Variants in UNC79 observed in about 807,000 individuals in gnomAD.
The protein encoded by UNC79 is protein unc-79 homolog.
Under a neutral mutation model 283.1 loss-of-function variants are expected in UNC79, and 37 were observed. The observed-to-expected ratio is 0.13, with a 90% confidence interval of 0.10 to 0.17. The LOEUF is 0.17. UNC79 is among the 10% of genes least tolerant of loss of function. The pLI, the probability that UNC79 is intolerant of heterozygous loss-of-function variation, is 1.00. For missense variants in UNC79, 2,272 were observed against 3,211.1 expected (o/e 0.71, Z 7.07); for synonymous variants, 1,107 against 1,200.2 (o/e 0.92, Z 1.61).
At chr14:93,437,674 C>A (rs1337015315) in intron 1 of UNC79, among the ~76,000 whole-genome samples, 1 of 152,158 alleles carries the variant, frequency 6.6e-6, no homozygotes, top group African/African-American at 2.4e-5. Context: ...GCTCTCTCTG[C>A]AGGCTCTAGG....
intron 2 of UNC79, 119 bp downstream of exon 2, chr14:93,467,910 G>A: frequency 8.2e-7 from 1 of 1,219,084 alleles, no homozygotes; most frequent in Non-Finnish European, 1.1e-6. Flanking sequence ...CTAGTGCTCT[G>A]TCAGAAGAGT....
chr14:93,565,035 A>G (rs2062793834), intron 14 of UNC79, among the ~76,000 whole-genome samples: 1 of 151,990 alleles, frequency 6.6e-6, no homozygotes, highest in Middle Eastern at 3.2e-3. Flanking sequence ...ATGGGCTAAG[A>G]GACCAGAAGT....
At chr14:93,682,754 A>C (rs2073944244) in intron 42 of UNC79, 60 bp downstream of exon 45, 2 of 1,543,060 alleles carry the variant, frequency 1.3e-6, no homozygotes. Context: ...GTAGTTAAGA[A>C]TGTAGGCTTT....
Position 93,659,267 on chromosome 14 carries a change from T to C in UNC79, c.6525+6T>C. On this transcript the variant is annotated splice_donor_region_variant and intron_variant, in intron 39 of 48. Transcript: ENST00000555664. ...CTTCTACCAATGCTACAAGGGTATG[T>C]ATGTTTCAGAAAAACATAACCAATT... 6.2e-7 allele frequency: 1 copy of C among 1,602,026 alleles called. No homozygotes were observed. The highest frequency in any genetic ancestry group is 8.5e-7 in the Non-Finnish European group (1 of 1,175,444).
intron 27 of UNC79, among the ~76,000 whole-genome samples, chr14:93,614,992 A>G (rs892733150): frequency 2.6e-5 from 4 of 151,882 alleles, no homozygotes; most frequent in African/African-American, 9.7e-5. Flanking sequence ...TACAAATCTC[A>G]CTCTCCAGAA....
chr14:93,542,096 G>T (rs967086385), intron 13 of UNC79, among the ~76,000 whole-genome samples: 1 of 151,070 alleles, frequency 6.6e-6, no homozygotes, highest in Admixed American at 6.6e-5. Context: ...ACAATTCTTA[G>T]CAAAATATGA....
At chr14:93,529,083 G>A (rs2060678002) in intron 9 of UNC79, among the ~76,000 whole-genome samples, 1 of 152,216 alleles carries the variant, frequency 6.6e-6, no homozygotes, top group South Asian at 2.1e-4. Flanking sequence ...ATCATTTAAA[G>A]ATAACTGAAT....
intron 7 of UNC79, among the ~76,000 whole-genome samples, chr14:93,504,536 A>G (rs989385374): frequency 3.8e-4 from 57 of 151,984 alleles, no homozygotes; most frequent in African/African-American, 1.3e-3. Context: ...CTAGTTTTCT[A>G]CTAGATGTAG....
chr14:93,502,391 T>TG (rs2059339121), intron 7 of UNC79, among the ~76,000 whole-genome samples: 2 of 151,984 alleles, frequency 1.3e-5, no homozygotes, highest in African/African-American at 4.8e-5. Flanking sequence ...CCAGCCTGGG[T>TG]GACTGAGCAA....
chr14:93,333,246 C>CGTCGGGTCGCTGGGA, exon 1 of UNC79: 1 of 402,208 alleles, frequency 2.5e-6, no homozygotes. Flanking sequence ...GGGAGCCGGG[C>CGTCGGGTCGCTGGGA]GTCGGGTCGC....
intron 26 of UNC79, among the ~76,000 whole-genome samples, chr14:93,606,000 C>G (rs1187295471): frequency 1.3e-5 from 2 of 152,188 alleles, no homozygotes; most frequent in East Asian, 3.8e-4. Context: ...ATAAGAACTT[C>G]TGATTCAAAG....
At chr14:93,397,955 A>C (rs2055031954) in intron 1 of UNC79, among the ~76,000 whole-genome samples, 1 of 152,156 alleles carries the variant, frequency 6.6e-6, no homozygotes, top group Admixed American at 6.5e-5. Context: ...TTGTTGAGTG[A>C]ATAAATGATG....
chr14:93,630,438 A>G (rs187865296), intron 30 of UNC79, among the ~76,000 whole-genome samples: 1 of 152,368 alleles, frequency 6.6e-6, no homozygotes, highest in Non-Finnish European at 1.5e-5. Flanking sequence ...TGGAGTACCT[A>G]GACAGGAGAT....
intron 1 of UNC79, among the ~76,000 whole-genome samples, chr14:93,355,171 A>C (rs989168635): frequency 6.6e-6 from 1 of 151,942 alleles, no homozygotes; most frequent in African/African-American, 2.4e-5. Flanking sequence ...CTGGGATTAC[A>C]GGCGCCTGCC....
chr14:93,525,560 T>G (rs1052702561), intron 8 of UNC79, among the ~76,000 whole-genome samples: 3 of 152,152 alleles, frequency 2.0e-5, no homozygotes, highest in African/African-American at 7.2e-5. Context: ...GGTTCAGAGG[T>G]GCTCTTCTTT....
At chr14:93,646,509 C>A in intron 34 of UNC79, 99 bp from the exon 38 acceptor site, 1 of 1,141,016 alleles carries the variant, frequency 8.8e-7, no homozygotes, top group African/African-American at 1.5e-5. Context: ...CATGTCTCCC[C>A]ATCTAAACTG....
At chr14:93,444,573 A>G (rs1329402954) in intron 1 of UNC79, among the ~76,000 whole-genome samples, 1 of 152,102 alleles carries the variant, frequency 6.6e-6, no homozygotes, top group Non-Finnish European at 1.5e-5. Context: ...TCTAACATTT[A>G]GGTTTATAAA....
intron 40 of UNC79, among the ~76,000 whole-genome samples, chr14:93,667,799 A>G (rs762191446): frequency 2.0e-5 from 3 of 152,234 alleles, no homozygotes; most frequent in Non-Finnish European, 4.4e-5. Context: ...CAAATCAATC[A>G]TTAAAAATAG....
At chr14:93,361,229 A>G (rs1437519088) in intron 1 of UNC79, among the ~76,000 whole-genome samples, 1 of 144,506 alleles carries the variant, frequency 6.9e-6, no homozygotes, top group Non-Finnish European at 1.5e-5. Flanking sequence ...AAAAAAAAAA[A>G]AAAAAAAGAA....
Sources: gnomAD v4.1 joint callset for allele counts (sites outside exome capture counted in the v4.1 genomes callset) on GRCh38, gnomAD v4.1.1 for gene constraint, MANE v1.5 for transcripts, NCBI Gene and HGNC (gene_info 2026-07-23, HGNC 2026-07-21) for gene names.